The following RSRC1 variants were observed in gnomAD, a reference collection of about 807,000 sequenced individuals.
RSRC1 encodes the protein arginine and serine rich coiled-coil 1.
RSRC1 carries 39 observed loss-of-function variants against 49.1 expected under a neutral mutation model. That is an observed-to-expected ratio of 0.79 (90% CI 0.61 to 1.04). The LOEUF is 1.04. Among genes scored for constraint, RSRC1 ranks in the 50% least tolerant of loss-of-function variants. RSRC1 has a pLI of 0.00. For synonymous variants in RSRC1, 143 were observed against 130.8 expected (o/e 1.09, Z -0.63); for missense variants, 388 against 402.4 (o/e 0.96, Z 0.31).
intron 7 of RSRC1, among the ~76,000 whole-genome samples, chr3:158,489,342 T>G (rs940307075): frequency 6.6e-6 from 1 of 152,230 alleles, no homozygotes; most frequent in Non-Finnish European, 1.5e-5. Context: ...AAGTCCACCC[T>G]TTGTATCCCA....
intron 3 of RSRC1, among the ~76,000 whole-genome samples, chr3:158,172,320 T>C (rs1718925367): frequency 6.6e-6 from 1 of 152,212 alleles, no homozygotes; most frequent in African/African-American, 2.4e-5. Flanking sequence ...TTCACAATTT[T>C]ACCATTAAAT....
At chr3:158,223,661 A>G (rs958657663) in intron 4 of RSRC1, among the ~76,000 whole-genome samples, 4 of 149,340 alleles carry the variant, frequency 2.7e-5, no homozygotes, top group African/African-American at 9.8e-5. Flanking sequence ...AGGATTTCTT[A>G]AAAATGTAAG....
intron 3 of RSRC1, among the ~76,000 whole-genome samples, chr3:158,160,824 T>C (rs1718170073): frequency 6.6e-6 from 1 of 152,186 alleles, no homozygotes; most frequent in Admixed American, 6.6e-5. Flanking sequence ...GGAATTATGT[T>C]ATCATCCTAG....
intron 7 of RSRC1, among the ~76,000 whole-genome samples, chr3:158,468,425 C>A (rs1331262212): frequency 6.6e-6 from 1 of 152,162 alleles, no homozygotes; most frequent in African/African-American, 2.4e-5. Flanking sequence ...TGAAAACACT[C>A]CTTGGTGACT....
chr3:158,228,055 G>A lies in RSRC1; in HGVS notation c.494+24810G>A, dbSNP rs376108792. ...ATCATACTTCCCCAACATATGTGTT[G>A]GGGAACTAGTTTATTCAAAAATTAA... On this transcript the variant is annotated intron_variant, in intron 4 of 9. Transcript: ENST00000611884. 3.8e-4 allele frequency among the ~76,000 whole-genome samples: 57 copies of A among 151,984 alleles called. No homozygotes were observed. In the East Asian group the frequency reaches 0.011, roughly 29 times the overall value.
chr3:158,480,507 G>T (rs571574876), intron 7 of RSRC1, among the ~76,000 whole-genome samples: 22 of 152,010 alleles, frequency 1.4e-4, no homozygotes, highest in South Asian at 4.1e-4. Context: ...GCGAAATTTG[G>T]TTTTTTCTAA....
At chr3:158,227,457 C>T (rs114946179) in intron 4 of RSRC1, among the ~76,000 whole-genome samples, 1 of 151,820 alleles carries the variant, frequency 6.6e-6, no homozygotes, top group African/African-American at 2.4e-5. Flanking sequence ...CCATCTTTGT[C>T]TTCCTCCCTT....
chr3:158,395,832 A>G (rs1008212424), intron 6 of RSRC1, among the ~76,000 whole-genome samples: 5 of 151,988 alleles, frequency 3.3e-5, no homozygotes, highest in Non-Finnish European at 7.4e-5. Context: ...AAGCAATCTT[A>G]TTACCCATAC....
intron 3 of RSRC1, among the ~76,000 whole-genome samples, chr3:158,152,362 G>T (rs1254260732): frequency 6.6e-6 from 1 of 152,132 alleles, no homozygotes; most frequent in African/African-American, 2.4e-5. Context: ...AAACTCTTCA[G>T]TCCTGGGCCA....
intron 6 of RSRC1, among the ~76,000 whole-genome samples, chr3:158,422,182 A>G (rs1178485280): frequency 6.8e-6 from 1 of 148,000 alleles, no homozygotes; most frequent in African/African-American, 2.5e-5. Flanking sequence ...CCACTAACTC[A>G]TCATCTAGCA....
At chr3:158,110,677 TC>T (rs1314128108) in intron 1 of RSRC1, 1 of 152,512 alleles carries the variant, frequency 6.6e-6, no homozygotes, top group African/African-American at 2.4e-5. Flanking sequence ...CTGCCTTAGA[TC>T]CAGCTCTCTT....
intron 6 of RSRC1, among the ~76,000 whole-genome samples, chr3:158,371,621 A>G (rs1732083964): frequency 6.6e-6 from 1 of 151,894 alleles, no homozygotes; most frequent in Admixed American, 6.6e-5. Context: ...TAATTGAAGG[A>G]TGCTGTTGTT....
chr3:158,311,903 T>C (rs962913273), intron 5 of RSRC1, among the ~76,000 whole-genome samples: 2 of 152,108 alleles, frequency 1.3e-5, no homozygotes, highest in African/African-American at 4.8e-5. Flanking sequence ...GGGAAATTTT[T>C]TTCTTTAAAA....
At chr3:158,294,709 TA>T (rs908346988) in intron 4 of RSRC1, among the ~76,000 whole-genome samples, 2 of 151,712 alleles carry the variant, frequency 1.3e-5, no homozygotes, top group East Asian at 1.9e-4. Flanking sequence ...TCAAAAACAG[TA>T]AAAAAAATAA....
chr3:158,276,943 A>T (rs564391532), intron 4 of RSRC1, among the ~76,000 whole-genome samples: 3 of 152,312 alleles, frequency 2.0e-5, no homozygotes, highest in Admixed American at 6.5e-5. Context: ...ATGGATATAT[A>T]GTTTGAACAC....
At chr3:158,447,318 A>G (rs1239594366) in intron 6 of RSRC1, among the ~76,000 whole-genome samples, 1 of 152,074 alleles carries the variant, frequency 6.6e-6, no homozygotes, top group East Asian at 1.9e-4. Flanking sequence ...TGAGCATTTC[A>G]TATTCCTGAA....
rs543945598 is a variant in RSRC1, at chr3:158,314,082, A to ATTG, written c.531+16031_531+16033dup. Among the ~76,000 whole-genome samples, 576 of 151,912 alleles carry ATTG rather than the reference A, an allele frequency of 3.8e-3. 2 individuals carry two copies. Among genetic ancestry groups the ATTG allele is most frequent in the Middle Eastern group, 6.9e-3 (2 of 290 alleles). ...AGTAACTTGTGCCACATTATTGAAA[A>ATTG]TTGTTGTTGTTGTTGTTGTTGTTGT... On this transcript the variant is annotated intron_variant, in intron 5 of 9. Transcript: ENST00000611884.
intron 7 of RSRC1, among the ~76,000 whole-genome samples, chr3:158,509,164 T>C (rs1740023290): frequency 6.6e-6 from 1 of 152,206 alleles, no homozygotes; most frequent in African/African-American, 2.4e-5. Flanking sequence ...CATTTTGAGT[T>C]CATTTTTGTG....
chr3:158,185,881 C>G (rs950806698), intron 3 of RSRC1, among the ~76,000 whole-genome samples: 1 of 151,932 alleles, frequency 6.6e-6, no homozygotes, highest in Non-Finnish European at 1.5e-5. Context: ...TGACACTGAC[C>G]TCATTTCCTT....
Sources: gnomAD v4.1 joint callset for allele counts (sites outside exome capture counted in the v4.1 genomes callset) on GRCh38, gnomAD v4.1.1 for gene constraint, MANE v1.5 for transcripts, NCBI Gene and HGNC (gene_info 2026-07-23, HGNC 2026-07-21) for gene names.